Variants in SLC47A1 observed in about 807,000 individuals in gnomAD.
SLC47A1 encodes the protein solute carrier family 47 member 1, also known as multidrug and toxin extrusion protein 1.
A neutral mutation model predicts 65.8 loss-of-function variants in SLC47A1; 58 were observed. That is an observed-to-expected ratio of 0.88 (90% confidence interval 0.71 to 1.10). The LOEUF is 1.10. Ranked by LOEUF, SLC47A1 falls within the 50% of genes least tolerant of loss-of-function variation. SLC47A1 has a pLI of 0.00. For synonymous variants in SLC47A1, 285 were observed against 295.0 expected (o/e 0.97, Z 0.35); for missense variants, 706 against 719.2 (o/e 0.98, Z 0.21).
chr17:19,551,422 AG>A lies in SLC47A1; in HGVS notation c.499del. The A allele has an allele frequency of 6.2e-7, 1 of 1,605,192 alleles. No homozygotes were observed. The highest frequency in any genetic ancestry group is 8.5e-7 in the Non-Finnish European group (1 of 1,171,840). On this transcript the variant is annotated splice_acceptor_variant, in intron 5 of 16. Transcript: ENST00000270570. LOFTEE classifies it high-confidence loss of function. ...ACATTCATCTCTCTTGTTCTCTTGT[AG>A]GCAACCTTTCTTTATATGTTACAAG...
intron 2 of SLC47A1, among the ~76,000 whole-genome samples, chr17:19,545,201 T>G (rs545887049): frequency 6.9e-6 from 1 of 144,146 alleles, no homozygotes; most frequent in Non-Finnish European, 1.5e-5. Flanking sequence ...AATAAAAAAT[T>G]TTTTTTTTTT....
intron 1 of SLC47A1, among the ~76,000 whole-genome samples, chr17:19,537,862 A>T (rs1567964758): frequency 6.6e-6 from 1 of 152,140 alleles, no homozygotes; most frequent in Non-Finnish European, 1.5e-5. Flanking sequence ...TCAGCCTGGA[A>T]AGTCCTCCCC....
intron 5 of SLC47A1, among the ~76,000 whole-genome samples, chr17:19,550,192 G>C (rs1222496145): frequency 6.6e-6 from 1 of 152,094 alleles, no homozygotes; most frequent in Non-Finnish European, 1.5e-5. Flanking sequence ...GATCGTCATA[G>C]CTCACTGCAG....
At chr17:19,577,280 GAA>G in intron 16 of SLC47A1, 45 bp from the exon 17 acceptor site, 1 of 1,540,704 alleles carries the variant, frequency 6.5e-7, no homozygotes, top group East Asian at 2.3e-5. Context: ...TTATAAAAAT[GAA>G]AAAAAAAATC....
chr17:19,574,887 C>T (rs982929042), intron 16 of SLC47A1, among the ~76,000 whole-genome samples: 15 of 152,270 alleles, frequency 9.9e-5, no homozygotes, highest in South Asian at 2.1e-4. Context: ...CCGCCTGGCT[C>T]GGCCTCCCAA....
chr17:19,563,046 C>A (rs2084325637), intron 12 of SLC47A1, among the ~76,000 whole-genome samples: 1 of 149,500 alleles, frequency 6.7e-6, no homozygotes, highest in African/African-American at 2.5e-5. Context: ...AGATAATTTT[C>A]TAGGGAAATA....
chr17:19,540,849 G>GACACACACACACACAC lies in SLC47A1; in HGVS notation c.136-1531_136-1516dup, dbSNP rs144308134. On this transcript the variant is annotated intron_variant, in intron 1 of 16. Transcript: ENST00000270570. The stretch of plus-strand genomic sequence containing the variant: ...CAAGAAAGATACTTCTCCTACAACA[G>GACACACACACACACAC]ACACACACACACACACACACACACA... 2.2e-3 allele frequency among the ~76,000 whole-genome samples: 309 copies of GACACACACACACACAC among 143,002 alleles called. 1 individual carries two copies. The highest frequency in any genetic ancestry group is 6.9e-3 in the Middle Eastern group (2 of 288). 93.8% of individuals were successfully genotyped at this position (143,002 alleles called of 152,430 possible).
chr17:19,555,319 A>G lies in SLC47A1; in HGVS notation c.641+10A>G, dbSNP rs759410483. ...TGCATCTTGGGGTGATGTGAGTCCA[A>G]CATACTCTTGGGACAGGGAGAAGGG... On this transcript the variant is annotated intron_variant, in intron 7 of 16. Coordinates refer to ENST00000270570, the MANE Select transcript of SLC47A1 (RefSeq NM_018242.3). The G allele has an allele frequency of 5.6e-6, 9 of 1,613,762 alleles. No individual in the cohort carries two copies. Among genetic ancestry groups the G allele is most frequent in the Middle Eastern group, 3.3e-4 (2 of 6,084 alleles).
intron 6 of SLC47A1, among the ~76,000 whole-genome samples, chr17:19,553,813 A>G (rs985130139): frequency 3.9e-5 from 6 of 152,126 alleles, no homozygotes; most frequent in African/African-American, 1.4e-4. Flanking sequence ...AAGTGCTGGG[A>G]TTACAGGCGT....
chr17:19,565,100 C>G (rs2084345563), intron 12 of SLC47A1, among the ~76,000 whole-genome samples: 1 of 152,156 alleles, frequency 6.6e-6, no homozygotes, highest in African/African-American at 2.4e-5. Flanking sequence ...AGTGACAAAA[C>G]TCACTCCAAG....
rs1567963623 is a variant in SLC47A1, at chr17:19,533,874, T to TGCCGGCCTCCGCGGTACC, written c.-66_-65insGCCGGCCTCCGCGGTACC. 1.9e-4 allele frequency: 263 copies of TGCCGGCCTCCGCGGTACC among 1,380,954 alleles called. No individual in the cohort carries two copies. The highest frequency in any genetic ancestry group is 1.5e-3 in the Admixed American group (50 of 33,190). The allele number at this position is 1,380,954 out of a possible 1,614,324, so 85.5% of individuals were successfully genotyped here. A position where few individuals can be genotyped will look rare whatever the true frequency, so the allele number is the denominator to read the frequency against. On this transcript the variant is annotated 5_prime_UTR_variant, in exon 1 of 17. Coordinates refer to ENST00000270570, the MANE Select transcript of SLC47A1 (RefSeq NM_018242.3). Reference sequence around the variant, plus strand: ...TACCCACTGCCGGCCTGCGCGGTACTCACTGCCGGCCTCCGCGGTACCCAC... The same window carrying TGCCGGCCTCCGCGGTACC: ...TACCCACTGCCGGCCTGCGCGGTACTGCCGGCCTCCGCGGTACCCACTGCCGGCCTCCGCGGTACCCAC...
At chr17:19,561,166 G>A (rs2084307225) in intron 12 of SLC47A1, among the ~76,000 whole-genome samples, 1 of 151,806 alleles carries the variant, frequency 6.6e-6, no homozygotes, top group Non-Finnish European at 1.5e-5. Flanking sequence ...GCTGAGGTGG[G>A]AGAATCACTT....
At chr17:19,567,051 GA>G (rs774863241) in intron 13 of SLC47A1, 44 bp from the exon 14 acceptor site, 2 of 1,613,284 alleles carry the variant, frequency 1.2e-6, no homozygotes, top group Admixed American at 3.3e-5. Flanking sequence ...AGTGTTTCAA[GA>G]GCGCCGGATG....
chr17:19,551,938 A>G (rs577496735), intron 6 of SLC47A1, among the ~76,000 whole-genome samples: 1 of 152,340 alleles, frequency 6.6e-6, no homozygotes, highest in East Asian at 1.9e-4. Flanking sequence ...CTCTAATGAC[A>G]CCTAACGTCA....
In SLC47A1 at chr17:19,543,904, G is replaced by C. The variant is rs560887096; in HGVS notation, c.237+1410G>C. Among the ~76,000 whole-genome samples the C allele has an allele frequency of 9.8e-5, 15 of 152,306 alleles. No homozygotes were observed. The South Asian group carries it at 3.1e-3, about 32-fold the overall frequency. On this transcript the variant is annotated intron_variant, in intron 2 of 16. Transcript: ENST00000270570. ...AACTACGCGAAACGCCTGGGAACTA[G>C]TCACCAAGTATATGTGGAGCTAGCT...
intron 12 of SLC47A1, among the ~76,000 whole-genome samples, chr17:19,563,424 G>A (rs530090087): frequency 1.6e-4 from 24 of 151,932 alleles, no homozygotes; most frequent in Admixed American, 6.6e-5. Context: ...AAGCCACCAC[G>A]CCCGGCCGAG....
At position 19,551,469 on chromosome 17, in the gene SLC47A1, G is replaced by T; in HGVS notation, c.543+1G>T. On this transcript the variant is annotated splice_donor_variant, in intron 6 of 16. Coordinates refer to ENST00000270570, the MANE Select transcript of SLC47A1 (RefSeq NM_018242.3). LOFTEE classifies it high-confidence loss of function. ...ACAAGTTAAATATTTGCTCAACCAG[G>T]TAATACTGACTGTTCTCTTCCTTTG... 6.2e-7 allele frequency: 1 copy of T among 1,609,694 alleles called. No individual in the cohort carries two copies. The highest frequency in any genetic ancestry group is 8.5e-7 in the Non-Finnish European group (1 of 1,175,960).
chr17:19,534,120 G>A (rs754985917), intron 1 of SLC47A1, 46 bp downstream of exon 1: 1 of 1,474,358 alleles, frequency 6.8e-7, no homozygotes, highest in South Asian at 1.3e-5. Flanking sequence ...GCGGGCTGGG[G>A]ACCTGGTGAT....
chr17:19,546,385 T>G, intron 2 of SLC47A1, 50 bp from the exon 3 acceptor site: 1 of 1,583,954 alleles, frequency 6.3e-7, no homozygotes, highest in Non-Finnish European at 8.7e-7. Flanking sequence ...GATTTTGTCT[T>G]CCTTTCCTCC....
Sources: allele counts gnomAD v4.1 joint callset (sites outside exome capture counted in the v4.1 genomes callset), GRCh38; gene constraint gnomAD v4.1.1; transcripts MANE v1.5; gene names NCBI Gene and HGNC (gene_info 2026-07-23, HGNC 2026-07-21).